CDH23: variants seen among roughly 807,000 people sequenced by gnomAD.
The protein encoded by CDH23 is cadherin-23.
CDH23 carries 189 observed loss-of-function variants against 317.1 expected under a neutral mutation model. That is an observed-to-expected ratio of 0.60 (90% confidence interval 0.53 to 0.67). CDH23 has a LOEUF of 0.67. Ranked by LOEUF, CDH23 falls within the 30% of genes least tolerant of loss-of-function variation. The pLI, the probability that CDH23 is intolerant of heterozygous loss-of-function variation, is 0.00. For synonymous variants in CDH23, 1,839 were observed against 1,876.8 expected (o/e 0.98, Z 0.52); for missense variants, 4,401 against 4,592.4 (o/e 0.96, Z 1.20).
At chr10:71,704,528 G>A (rs977477616) in intron 24 of CDH23, among the ~76,000 whole-genome samples, 1 of 152,122 alleles carries the variant, frequency 6.6e-6, no homozygotes, top group Non-Finnish European at 1.5e-5. Flanking sequence ...AGCCTTCTAC[G>A]TGGTTGAACT....
At chr10:71,549,613 C>A (rs140692703) in intron 6 of CDH23, among the ~76,000 whole-genome samples, 1 of 152,348 alleles carries the variant, frequency 6.6e-6, no homozygotes, top group East Asian at 1.9e-4. Context: ...AATCCCGAGG[C>A]TCAGTCTGGG....
Position 71,596,245 on chromosome 10 carries a change from C to T in CDH23, c.832+18253C>T, listed in dbSNP as rs560551468. Among the ~76,000 whole-genome samples, 147 of 152,222 alleles carry T rather than the reference C, an allele frequency of 9.7e-4. 11 individuals carry two copies. The highest frequency in any genetic ancestry group is 2.8e-4 in the Non-Finnish European group (19 of 68,020). ...AAGGATGTCATGCAAGGCCCTCTCT[C>T]GAGGTTGCATCTTACACTTACAACA... On this transcript the variant is annotated intron_variant, in intron 9 of 69. Transcript: ENST00000224721.
intron 1 of CDH23, among the ~76,000 whole-genome samples, chr10:71,437,783 C>T (rs1849683484): frequency 1.3e-5 from 2 of 152,156 alleles, no homozygotes; most frequent in Non-Finnish European, 1.5e-5. Flanking sequence ...TCAGAAGCTC[C>T]GCCACACTGG....
chr10:71,472,815 T>G (rs11598479), intron 3 of CDH23, among the ~76,000 whole-genome samples: 9,731 of 152,292 alleles, frequency 0.064, 745 homozygotes, highest in African/African-American at 0.18. Context: ...GACTCCAGTG[T>G]GGTCCCAGGT....
chr10:71,669,607 C>T (rs1348756015), intron 14 of CDH23, among the ~76,000 whole-genome samples: 1 of 152,074 alleles, frequency 6.6e-6, no homozygotes, highest in Non-Finnish European at 1.5e-5. Flanking sequence ...GCCACTATGT[C>T]CGGCTAATTT....
chr10:71,582,760 C>G (rs140153835), intron 9 of CDH23, among the ~76,000 whole-genome samples: 2 of 152,146 alleles, frequency 1.3e-5, no homozygotes, highest in African/African-American at 4.8e-5. Flanking sequence ...CACAGTTGAC[C>G]GAGGGCCTTC....
chr10:71,604,130 T>C (rs1435959365), intron 9 of CDH23, among the ~76,000 whole-genome samples: 2 of 151,892 alleles, frequency 1.3e-5, no homozygotes, highest in Non-Finnish European at 2.9e-5. Context: ...ACAATAATAA[T>C]GGAAGGCCAG....
At chr10:71,796,226 C>A in intron 48 of CDH23, 1 of 429,854 alleles carries the variant, frequency 2.3e-6, no homozygotes, top group Non-Finnish European at 3.1e-6. Flanking sequence ...GAGGAGAAGC[C>A]ACCAGGCCCT....
At chr10:71,570,435 T>C (rs1857712356) in intron 7 of CDH23, among the ~76,000 whole-genome samples, 1 of 152,138 alleles carries the variant, frequency 6.6e-6, no homozygotes. Context: ...TCCAAGCTGG[T>C]CATCCCACCA....
At chr10:71,631,545 C>A (rs1424342564) in intron 11 of CDH23, among the ~76,000 whole-genome samples, 1 of 152,214 alleles carries the variant, frequency 6.6e-6, no homozygotes, top group Non-Finnish European at 1.5e-5. Context: ...CAAATTAACA[C>A]GCATATCTTA....
intron 6 of CDH23, among the ~76,000 whole-genome samples, chr10:71,513,928 C>G (rs567395600): frequency 4.6e-5 from 7 of 152,082 alleles, no homozygotes; most frequent in African/African-American, 1.7e-4. Flanking sequence ...CATCTAGGGC[C>G]CTAATAATGA....
At chr10:71,502,804 A>G (rs536991743) in intron 3 of CDH23, among the ~76,000 whole-genome samples, 2 of 152,280 alleles carry the variant, frequency 1.3e-5, no homozygotes, top group South Asian at 2.1e-4. Flanking sequence ...GCAAGGAGGG[A>G]GCAGGGTATG....
intron 7 of CDH23, 119 bp downstream of exon 7, chr10:71,567,055 A>C: frequency 1.1e-6 from 1 of 911,398 alleles, no homozygotes; most frequent in Non-Finnish European, 1.7e-6. Context: ...ATCTATAATA[A>C]TTATAGTGGT....
At chr10:71,466,353 CAT>C in intron 3 of CDH23, among the ~76,000 whole-genome samples, 1 of 152,106 alleles carries the variant, frequency 6.6e-6, no homozygotes, top group Non-Finnish European at 1.5e-5. Flanking sequence ...TGTACCAGCT[CAT>C]GTGTGTGTGC....
chr10:71,572,884 T>C (rs1389887526), intron 8 of CDH23, among the ~76,000 whole-genome samples: 1 of 152,226 alleles, frequency 6.6e-6, no homozygotes, highest in East Asian at 1.9e-4. Context: ...TTCCTTTGGG[T>C]CTCCAGGGCA....
chr10:71,439,311 G>T (rs946241508), intron 1 of CDH23, among the ~76,000 whole-genome samples: 2 of 152,080 alleles, frequency 1.3e-5, no homozygotes, highest in Non-Finnish European at 2.9e-5. Flanking sequence ...AAAAAAACAG[G>T]AAGAGATATG....
At chr10:71,464,049 T>C (rs1851135149) in intron 3 of CDH23, among the ~76,000 whole-genome samples, 1 of 152,178 alleles carries the variant, frequency 6.6e-6, no homozygotes, top group Non-Finnish European at 1.5e-5. Flanking sequence ...ATTTTATAGA[T>C]AGGAAAATGG....
chr10:71,482,345 C>T (rs1852111612), intron 3 of CDH23, among the ~76,000 whole-genome samples: 1 of 152,222 alleles, frequency 6.6e-6, no homozygotes, highest in Admixed American at 6.5e-5. Flanking sequence ...TAAAGGACCT[C>T]AGGTCCCAGA....
intron 38 of CDH23, among the ~76,000 whole-genome samples, chr10:71,745,538 G>A (rs1839835930): frequency 6.6e-6 from 1 of 152,150 alleles, no homozygotes; most frequent in African/African-American, 2.4e-5. Context: ...ATGCCTGGCC[G>A]AGCCAAGGTG....
Sources: gnomAD v4.1 joint callset for allele counts (sites outside exome capture counted in the v4.1 genomes callset) on GRCh38, gnomAD v4.1.1 for gene constraint, MANE v1.5 for transcripts, NCBI Gene and HGNC (gene_info 2026-07-23, HGNC 2026-07-21) for gene names.